ATXN1: variants seen among roughly 807,000 people sequenced by gnomAD.
The protein encoded by ATXN1 is ataxin-1.
Under a neutral mutation model 56.4 loss-of-function variants are expected in ATXN1, and 8 were observed. The ratio of observed to expected loss-of-function variants is 0.14; its 90% CI spans 0.08 to 0.26. The LOEUF (loss-of-function observed/expected upper bound fraction) is 0.26. ATXN1 is among the 10% of genes least tolerant of loss of function. The pLI is 1.00. For synonymous variants in ATXN1, 514 were observed against 494.6 expected (o/e 1.04, Z -0.52); for missense variants, 987 against 1,106.5 (o/e 0.89, Z 1.53).
intron 2 of ATXN1, among the ~76,000 whole-genome samples, chr6:16,714,191 ACACAC>A (rs1759591102): frequency 1.2e-5 from 1 of 86,426 alleles, no homozygotes; most frequent in African/African-American, 4.3e-5. Context: ...CCACACACAC[ACACAC>A]ACACACACAC....
At chr6:16,727,798 C>T (rs1759883017) in intron 2 of ATXN1, among the ~76,000 whole-genome samples, 1 of 152,094 alleles carries the variant, frequency 6.6e-6, no homozygotes, top group South Asian at 2.1e-4. Context: ...ATAAAATGAT[C>T]AAAATTAACA....
intron 6 of ATXN1, among the ~76,000 whole-genome samples, chr6:16,441,815 G>A (rs1759523711): frequency 6.6e-6 from 1 of 151,958 alleles, no homozygotes. Context: ...AAAGGAGAAA[G>A]TGTTAAACAT....
At chr6:16,587,688 T>C (rs780287717) in intron 3 of ATXN1, among the ~76,000 whole-genome samples, 7 of 152,098 alleles carry the variant, frequency 4.6e-5, no homozygotes, top group Non-Finnish European at 7.4e-5. Context: ...AATCCAGCAC[T>C]TTGGGGGGCC....
chr6:16,724,767 G>C (rs1759814315), intron 2 of ATXN1, among the ~76,000 whole-genome samples: 1 of 152,146 alleles, frequency 6.6e-6, no homozygotes, highest in Non-Finnish European at 1.5e-5. Flanking sequence ...TGCTGATATA[G>C]AATCAGGTTT....
Position 16,654,581 on chromosome 6 carries a change from G to T in ATXN1, c.-489+3195C>A, listed in dbSNP as rs1758153766. Among the ~76,000 whole-genome samples the T allele has an allele frequency of 2.7e-5, 4 of 147,136 alleles. No individual in the cohort carries two copies. The South Asian group carries it at 8.7e-4, about 32-fold the overall frequency. ...AAAAAAAAAAAGAGAGAGAGAGAGA[G>T]ACCAGTCAGTGAAGTCCTGAGGATT... is the stretch of plus-strand genomic sequence containing the variant. On this transcript the variant is annotated intron_variant, in intron 3 of 7. Transcript: ENST00000436367.
intron 3 of ATXN1, among the ~76,000 whole-genome samples, chr6:16,612,799 G>C (rs564950442): frequency 6.6e-6 from 1 of 151,632 alleles, no homozygotes; most frequent in Admixed American, 6.6e-5. Flanking sequence ...GCTGAGGCAG[G>C]AGAATCACTT....
intron 6 of ATXN1, among the ~76,000 whole-genome samples, chr6:16,393,884 G>T (rs1014120213): frequency 2.0e-5 from 3 of 150,598 alleles, no homozygotes; most frequent in South Asian, 2.1e-4. Context: ...TTCAACATGG[G>T]ATTCTAACAT....
intron 2 of ATXN1, among the ~76,000 whole-genome samples, chr6:16,733,937 C>T (rs1760051751): frequency 6.6e-6 from 1 of 151,988 alleles, no homozygotes; most frequent in African/African-American, 2.4e-5. Flanking sequence ...TTCTTGTGGT[C>T]AGGAGTTCAA....
intron 5 of ATXN1, among the ~76,000 whole-genome samples, chr6:16,488,640 A>G (rs923231700): frequency 3.3e-5 from 5 of 152,200 alleles, no homozygotes; most frequent in African/African-American, 1.2e-4. Flanking sequence ...TCTTCATCCT[A>G]CAACATTAAA....
At chr6:16,520,056 C>A (rs907327437) in intron 5 of ATXN1, among the ~76,000 whole-genome samples, 3 of 152,178 alleles carry the variant, frequency 2.0e-5, no homozygotes, top group Non-Finnish European at 2.9e-5. Context: ...GCTATGGAAC[C>A]AATGCATGTC....
At chr6:16,640,888 A>G (rs988150587) in intron 3 of ATXN1, among the ~76,000 whole-genome samples, 3 of 152,236 alleles carry the variant, frequency 2.0e-5, no homozygotes, top group African/African-American at 7.2e-5. Flanking sequence ...GGGTTAGCCA[A>G]GCTGTGAATG....
intron 4 of ATXN1, among the ~76,000 whole-genome samples, chr6:16,546,864 T>C (rs999459013): frequency 6.6e-6 from 1 of 152,212 alleles, no homozygotes; most frequent in Non-Finnish European, 1.5e-5. Flanking sequence ...CACGACAAGT[T>C]TATTTATTTT....
chr6:16,679,378 GGA>G (rs1262478191), intron 2 of ATXN1, among the ~76,000 whole-genome samples: 11 of 30,056 alleles, frequency 3.7e-4, no homozygotes, highest in South Asian at 7.2e-4. Flanking sequence ...GTGGGTGGAT[GGA>G]TGGATGGATG....
At chr6:16,635,434 A>G (rs890966563) in intron 3 of ATXN1, among the ~76,000 whole-genome samples, 2 of 152,180 alleles carry the variant, frequency 1.3e-5, no homozygotes, top group African/African-American at 4.8e-5. Flanking sequence ...CTTCCATGAA[A>G]CCAGTCCCTG....
chr6:16,368,181 G>GAAAGA (rs1245034269), intron 6 of ATXN1, among the ~76,000 whole-genome samples: 6 of 150,292 alleles, frequency 4.0e-5, no homozygotes, highest in African/African-American at 1.2e-4. Context: ...AAAAAAAAAA[G>GAAAGA]AAAGAAAAGA....
chr6:16,690,482 G>A (rs1759022076), intron 2 of ATXN1, among the ~76,000 whole-genome samples: 1 of 151,962 alleles, frequency 6.6e-6, no homozygotes, highest in African/African-American at 2.4e-5. Flanking sequence ...ATTCTTCAAA[G>A]GTAATTAACC....
intron 6 of ATXN1, among the ~76,000 whole-genome samples, chr6:16,432,216 T>C (rs1759298834): frequency 6.6e-6 from 1 of 152,338 alleles, no homozygotes; most frequent in South Asian, 2.1e-4. Flanking sequence ...AGAAACCGCA[T>C]GGAAAATCAC....
At position 16,354,303 on chromosome 6, in the gene ATXN1, G is replaced by A. The variant is rs942302463; in HGVS notation, c.-160-25833C>T. 2.0e-5 allele frequency among the ~76,000 whole-genome samples: 3 copies of A among 151,996 alleles called. No individual in the cohort carries two copies. The East Asian group carries it at 5.8e-4, about 29-fold the overall frequency. ...GATGGAGTCTCGCTCTGTCGCCCAGGCTGGAGTGCAGTGGTGCAATCTCGG... is the reference window on the plus strand; with the variant it reads ...GATGGAGTCTCGCTCTGTCGCCCAGACTGGAGTGCAGTGGTGCAATCTCGG... On this transcript the variant is annotated intron_variant, in intron 6 of 7. Transcript: ENST00000436367.
At chr6:16,610,858 T>TA (rs10719124) in intron 3 of ATXN1, among the ~76,000 whole-genome samples, 10,191 of 136,262 alleles carry the variant, frequency 0.075, 684 homozygotes, top group African/African-American at 0.18. Context: ...ACGTCATCTA[T>TA]AAAAAAAAAA....
Sources: allele counts gnomAD v4.1 joint callset (sites outside exome capture counted in the v4.1 genomes callset), GRCh38; gene constraint gnomAD v4.1.1; transcripts MANE v1.5; gene names NCBI Gene and HGNC (gene_info 2026-07-23, HGNC 2026-07-21).